Variants in DMD observed in about 807,000 individuals in gnomAD.
DMD encodes the protein mutant dystrophin.
DMD carries 63 observed loss-of-function variants against 330.1 expected under a neutral mutation model. That is an observed-to-expected ratio of 0.19 (90% confidence interval 0.16 to 0.24). The LOEUF is 0.24. Among genes scored for constraint, DMD ranks in the 10% least tolerant of loss-of-function variants. DMD has a pLI of 1.00. For missense variants in DMD, 3,344 were observed against 2,684.1 expected (o/e 1.25, Z -5.43); for synonymous variants, 1,223 against 959.8 (o/e 1.27, Z -5.07).
upstream of DMD, chrX:33,211,566 G>A: frequency 2.0e-6 from 2 of 1,019,605 alleles, no homozygotes; most frequent in Non-Finnish European, 2.5e-6. Context: ...ATTCTGTAGA[G>A]GCCCCCGGAT....
intron 47 of DMD, among the ~76,000 whole-genome samples, chrX:31,919,789 C>T (rs1032262110): frequency 8.9e-6 from 1 of 112,067 alleles, no homozygotes; most frequent in African/African-American, 3.2e-5. Context: ...CTTATCAGCC[C>T]TTTTGTTACC....
At chrX:32,896,604 G>A (rs1325680807) in intron 2 of DMD, among the ~76,000 whole-genome samples, 2 of 111,770 alleles carry the variant, frequency 1.8e-5, no homozygotes, top group Non-Finnish European at 3.8e-5. Context: ...TTGGTGTCAC[G>A]TAACACTCCA....
At chrX:32,647,534 G>C (rs957776389) in intron 9 of DMD, among the ~76,000 whole-genome samples, 2 of 111,522 alleles carry the variant, frequency 1.8e-5, no homozygotes, top group African/African-American at 6.5e-5. Flanking sequence ...TCCTACTCCT[G>C]TTATGTTCCT....
intron 74 of DMD, among the ~76,000 whole-genome samples, chrX:31,160,079 A>G (rs2038629147): frequency 8.9e-6 from 1 of 111,861 alleles, no homozygotes; most frequent in South Asian, 3.8e-4. Context: ...TTCCACAGTA[A>G]TTGTGATGAA....
chrX:32,156,360 C>T (rs2096830341), intron 44 of DMD, among the ~76,000 whole-genome samples: 1 of 112,259 alleles, frequency 8.9e-6, no homozygotes, highest in African/African-American at 3.2e-5. Context: ...AGCCTGGCGA[C>T]AGAGCGAGAC....
intron 7 of DMD, among the ~76,000 whole-genome samples, chrX:32,732,154 G>A (rs931999953): frequency 3.6e-5 from 4 of 111,695 alleles, no homozygotes; most frequent in Non-Finnish European, 7.5e-5. Context: ...CTGGAAGAAA[G>A]GGTATCAGTG....
chrX:32,725,544 G>A (rs2066778775), intron 7 of DMD, among the ~76,000 whole-genome samples: 1 of 110,547 alleles, frequency 9.0e-6, no homozygotes, highest in Admixed American at 9.7e-5. Flanking sequence ...GTCAAAAAAG[G>A]TCATTATATA....
intron 30 of DMD, among the ~76,000 whole-genome samples, chrX:32,397,073 T>A (rs183008493): frequency 0.024 from 2,632 of 111,467 alleles, 72 homozygotes; most frequent in African/African-American, 0.079. Context: ...TTTTTTGACA[T>A]TATGAGAATA....
At chrX:32,095,922 ATACTTT>A (rs1280388557) in intron 44 of DMD, among the ~76,000 whole-genome samples, 7 of 107,154 alleles carry the variant, frequency 6.5e-5, no homozygotes, top group African/African-American at 2.4e-4. Flanking sequence ...TTTTTTTATT[ATACTTT>A]AAGTTTTAGG....
chrX:31,908,157 C>T (rs369172268), intron 47 of DMD, among the ~76,000 whole-genome samples: 1 of 112,023 alleles, frequency 8.9e-6, no homozygotes. Context: ...GACAGTGTGG[C>T]GATTCCTCAA....
At chrX:32,121,744 T>C (rs1032181233) in intron 44 of DMD, among the ~76,000 whole-genome samples, 5 of 100,719 alleles carry the variant, frequency 5.0e-5, no homozygotes, top group Non-Finnish European at 8.0e-5. Context: ...AAAATGTGTG[T>C]GTGTGTGTGT....
At chrX:32,021,755 A>G (rs2095807493) in intron 44 of DMD, among the ~76,000 whole-genome samples, 1 of 112,318 alleles carries the variant, frequency 8.9e-6, no homozygotes, top group African/African-American at 3.2e-5. Context: ...TACTAGGCTA[A>G]ATAAAGTATC....
At chrX:31,195,117 A>G (rs1371820726) in intron 67 of DMD, among the ~76,000 whole-genome samples, 1 of 112,336 alleles carries the variant, frequency 8.9e-6, no homozygotes, top group Non-Finnish European at 1.9e-5. Context: ...CAAGTATTTT[A>G]TTTAAAGTTC....
intron 74 of DMD, among the ~76,000 whole-genome samples, chrX:31,159,220 T>C (rs907601994): frequency 9.0e-6 from 1 of 111,666 alleles, no homozygotes; most frequent in Non-Finnish European, 1.9e-5. Flanking sequence ...ACTTCCACCA[T>C]GGAAACAAAC....
chrX:32,701,155 G>A (rs1329776215), intron 7 of DMD, among the ~76,000 whole-genome samples: 2 of 111,813 alleles, frequency 1.8e-5, no homozygotes, highest in African/African-American at 6.5e-5. Flanking sequence ...ATTTGCAATA[G>A]TCTCCCAAGT....
chrX:31,951,496 G>C (rs956788008), intron 45 of DMD, among the ~76,000 whole-genome samples: 2 of 108,576 alleles, frequency 1.8e-5, no homozygotes, highest in Non-Finnish European at 3.8e-5. Context: ...TGTCTTGTTA[G>C]TTATTTTTAG....
chrX:32,731,925 G>C (rs1048977250), intron 7 of DMD, among the ~76,000 whole-genome samples: 4 of 112,209 alleles, frequency 3.6e-5, no homozygotes, highest in African/African-American at 1.3e-4. Context: ...TGACTTTGAC[G>C]AGCTGAGAGA....
In DMD at chrX:32,732,132, C is replaced by T. The variant is rs188724562; in HGVS notation, c.650-32839G>A. Reference sequence around the variant, plus strand: ...TGAAGAATGCAGAAGCCTCAGGAGCCGATGCGATCAACTGGAAGAAAGGGT... The same window carrying T: ...TGAAGAATGCAGAAGCCTCAGGAGCTGATGCGATCAACTGGAAGAAAGGGT... On this transcript the variant is annotated intron_variant, in intron 7 of 78. Coordinates refer to ENST00000357033, the MANE Select transcript of DMD (RefSeq NM_004006.3). 4.4e-3 allele frequency among the ~76,000 whole-genome samples: 484 copies of T among 111,085 alleles called. 3 individuals are homozygous for T. The highest frequency in any genetic ancestry group is 0.013 in the African/African-American group (407 of 30,539).
chrX:31,368,512 G>C (rs980882286), intron 60 of DMD, among the ~76,000 whole-genome samples: 17 of 111,810 alleles, frequency 1.5e-4, no homozygotes, highest in African/African-American at 5.5e-4. Flanking sequence ...ATTTCAGGCT[G>C]TAGCTACCTA....
Sources: allele counts gnomAD v4.1 joint callset (sites outside exome capture counted in the v4.1 genomes callset), GRCh38; gene constraint gnomAD v4.1.1; transcripts MANE v1.5; gene names NCBI Gene and HGNC (gene_info 2026-07-23, HGNC 2026-07-21).